The following ME1 variants were observed in gnomAD, a reference collection of about 807,000 sequenced individuals.
ME1 encodes the protein NADP-dependent malic enzyme.
In ME1, 74 loss-of-function variants were observed where a neutral mutation model predicts 66.4. The ratio of observed to expected loss-of-function variants is 1.11; its 90% confidence interval spans 0.92 to 1.35. The LOEUF (loss-of-function observed/expected upper bound fraction) is 1.35. Among genes scored for constraint, ME1 ranks in the 40% most tolerant of loss-of-function variants. ME1 has a pLI of 0.00. For missense variants in ME1, 750 were observed against 694.1 expected (o/e 1.08, Z -0.90); for synonymous variants, 251 against 235.6 (o/e 1.07, Z -0.60).
intron 6 of ME1, among the ~76,000 whole-genome samples, chr6:83,315,062 C>G (rs1768004465): frequency 6.6e-6 from 1 of 152,012 alleles, no homozygotes; most frequent in Non-Finnish European, 1.5e-5. Flanking sequence ...TTTCAACAGC[C>G]ACAGGTTCTA....
At chr6:83,272,332 A>G (rs906105788) in intron 6 of ME1, among the ~76,000 whole-genome samples, 1 of 152,134 alleles carries the variant, frequency 6.6e-6, no homozygotes, top group African/African-American at 2.4e-5. Context: ...TTTCTGAAAT[A>G]TAATGTGCTA....
chr6:83,253,619 A>G lies in ME1; in HGVS notation c.814+10T>C. 1 of 1,482,054 alleles carries G rather than the reference A, an allele frequency of 6.7e-7. No individual in the cohort carries two copies. The highest frequency in any genetic ancestry group is 9.4e-7 in the Non-Finnish European group (1 of 1,063,312). 91.8% of individuals were successfully genotyped at this position (1,482,054 alleles called of 1,614,324 possible). ...TGTTATTGATCCATATGCAGTGAAA[A>G]TTTTGTTACCTTGAATATCATCATT... On this transcript the variant is annotated intron_variant, in intron 7 of 13. Transcript: ENST00000369705.
At chr6:83,256,300 A>T (rs956153066) in intron 6 of ME1, among the ~76,000 whole-genome samples, 11 of 152,346 alleles carry the variant, frequency 7.2e-5, no homozygotes, top group African/African-American at 2.6e-4. Context: ...TACAGATTTT[A>T]AAAAATTATT....
At chr6:83,395,238 C>T (rs1769705757) in intron 3 of ME1, among the ~76,000 whole-genome samples, 1 of 151,804 alleles carries the variant, frequency 6.6e-6, no homozygotes, top group Admixed American at 6.6e-5. Flanking sequence ...CAGGCAACTA[C>T]CACCACGCTC....
intron 6 of ME1, among the ~76,000 whole-genome samples, chr6:83,296,266 A>T (rs567793359): frequency 6.6e-6 from 1 of 152,230 alleles, no homozygotes; most frequent in East Asian, 1.9e-4. Context: ...CCTCAAAAAA[A>T]GAAAAAAAAG....
At chr6:83,359,713 AG>A (rs1768971085) in intron 3 of ME1, among the ~76,000 whole-genome samples, 1 of 152,204 alleles carries the variant, frequency 6.6e-6, no homozygotes, top group African/African-American at 2.4e-5. Context: ...GACTCATCCC[AG>A]TAGGGTGGGT....
chr6:83,322,301 G>T, intron 5 of ME1, among the ~76,000 whole-genome samples: 1 of 152,188 alleles, frequency 6.6e-6, no homozygotes, highest in East Asian at 1.9e-4. Context: ...GATGGAGAAT[G>T]AGTTTGACTA....
At chr6:83,429,783 CACG>C (rs1770446753) in intron 1 of ME1, among the ~76,000 whole-genome samples, 1 of 152,088 alleles carries the variant, frequency 6.6e-6, no homozygotes, top group Non-Finnish European at 1.5e-5. Context: ...TCATCAGGAA[CACG>C]ACAAGGAAAA....
intron 3 of ME1, among the ~76,000 whole-genome samples, chr6:83,389,918 T>A (rs891506219): frequency 4.6e-5 from 7 of 152,176 alleles, no homozygotes; most frequent in African/African-American, 1.7e-4. Flanking sequence ...TTTCGGCACA[T>A]GGGAATAAGA....
At chr6:83,286,549 G>A (rs926351115) in intron 6 of ME1, among the ~76,000 whole-genome samples, 5 of 151,932 alleles carry the variant, frequency 3.3e-5, no homozygotes, top group African/African-American at 9.7e-5. Flanking sequence ...TAAATATTGA[G>A]AAACAATGAG....
intron 3 of ME1, among the ~76,000 whole-genome samples, chr6:83,359,486 TGGGG>T (rs1768964479): frequency 6.6e-6 from 1 of 152,158 alleles, no homozygotes; most frequent in South Asian, 2.1e-4. Flanking sequence ...TTTATTGATT[TGGGG>T]CCACTAAATA....
At chr6:83,250,200 C>T (rs1246000962) in intron 7 of ME1, among the ~76,000 whole-genome samples, 2 of 149,774 alleles carry the variant, frequency 1.3e-5, no homozygotes, top group Admixed American at 1.3e-4. Flanking sequence ...TTTCCTCAAA[C>T]TTCCAATCCT....
At chr6:83,370,151 T>C (rs1272094228) in intron 3 of ME1, among the ~76,000 whole-genome samples, 3 of 152,152 alleles carry the variant, frequency 2.0e-5, no homozygotes, top group Non-Finnish European at 4.4e-5. Context: ...TGGATAAAGT[T>C]AGGAAGATAT....
In ME1 at chr6:83,345,612, T is replaced by C. The variant is rs535131316; in HGVS notation, c.600+561A>G. On this transcript the variant is annotated intron_variant, in intron 5 of 13. Transcript: ENST00000369705. The stretch of plus-strand genomic sequence containing the variant: ...TTCATCCTTAACTGACTATTATCTT[T>C]CATTTCTATTTCAGAGAATTCTATG... Among the ~76,000 whole-genome samples, 196 of 152,260 alleles carry C rather than the reference T, an allele frequency of 1.3e-3. 1 individual carries two copies. The highest frequency in any genetic ancestry group is 1.2e-3 in the Non-Finnish European group (83 of 68,000).
At position 83,407,869 on chromosome 6, in the gene ME1, T is replaced by C. The variant is rs761455234; in HGVS notation, c.111A>G (p.Gln37=). 9.3e-6 allele frequency: 15 copies of C among 1,612,920 alleles called. No homozygotes were observed. The East Asian group carries it at 3.1e-4, about 34-fold the overall frequency. ...GTGGCAACAATCCATGAATGTTCAA[T>C]TGCTGTCTCTCTTCCAGGGTAAAGG... ...DLAFTLEERQ[Q]LNIHGLLPPS... The change falls in exon 2 of 14, where the codon CAA becomes CAG. Residue 37 remains glutamine (Q), a synonymous_variant. Coordinates refer to ENST00000369705, the MANE Select transcript of ME1 (RefSeq NM_002395.6).
At position 83,342,991 on chromosome 6, in the gene ME1, G is replaced by A. The variant is rs191147982; in HGVS notation, c.600+3182C>T. 2.0e-3 allele frequency among the ~76,000 whole-genome samples: 310 copies of A among 152,150 alleles called. 2 individuals carry two copies. The highest frequency in any genetic ancestry group is 3.4e-3 in the African/African-American group (143 of 41,534). On this transcript the variant is annotated intron_variant, in intron 5 of 13. Coordinates refer to ENST00000369705, the MANE Select transcript of ME1 (RefSeq NM_002395.6). ...GAGCCACCACCCCCGGCCACCTTGC[G>A]TTATCATTTCTATGTGTTGGTAGCA...
intron 2 of ME1, among the ~76,000 whole-genome samples, chr6:83,399,492 T>G (rs755959943): frequency 7.2e-5 from 11 of 152,204 alleles, no homozygotes; most frequent in Non-Finnish European, 1.3e-4. Context: ...TCCTTTGACT[T>G]GCAGTATTGA....
intron 1 of ME1, among the ~76,000 whole-genome samples, chr6:83,417,591 G>C (rs1057445991): frequency 2.6e-5 from 4 of 151,538 alleles, no homozygotes; most frequent in Non-Finnish European, 5.9e-5. Flanking sequence ...ATGTTGGCCA[G>C]GATGGTCTCG....
chr6:83,240,187 C>A (rs1027340309), intron 7 of ME1, among the ~76,000 whole-genome samples: 4 of 151,946 alleles, frequency 2.6e-5, no homozygotes, highest in African/African-American at 7.2e-5. Context: ...CACAAAGAAA[C>A]TCTTAATGTA....
Sources: allele counts gnomAD v4.1 joint callset (sites outside exome capture counted in the v4.1 genomes callset), GRCh38; gene constraint gnomAD v4.1.1; transcripts MANE v1.5; gene names NCBI Gene and HGNC (gene_info 2026-07-23, HGNC 2026-07-21).